The following ZNF521 variants were observed in gnomAD, a reference collection of about 807,000 sequenced individuals.
The protein encoded by ZNF521 is LYST-interacting protein 3.
Under a neutral mutation model 105.5 loss-of-function variants are expected in ZNF521, and 14 were observed. The observed-to-expected ratio is 0.13, with a 90% CI of 0.09 to 0.21. The LOEUF is 0.21. ZNF521 is among the 10% of genes least tolerant of loss of function. The probability of loss-of-function intolerance (pLI) is 1.00; values close to 1 mark genes in which losing one functional copy is unlikely to be tolerated. For synonymous variants in ZNF521, 635 were observed against 606.0 expected (o/e 1.05, Z -0.70); for missense variants, 1,233 against 1,629.7 (o/e 0.76, Z 4.19).
intron 5 of ZNF521, among the ~76,000 whole-genome samples, chr18:25,124,066 A>T (rs8087296): frequency 0.47 from 70,937 of 151,912 alleles, 16,867 homozygotes; most frequent in South Asian, 0.56. Context: ...AAGTGATGGA[A>T]CATTTATGGA....
intron 2 of ZNF521, among the ~76,000 whole-genome samples, chr18:25,338,270 T>TGTGTGTGTGTGA (rs1294403134): frequency 6.7e-6 from 1 of 150,200 alleles, no homozygotes; most frequent in Non-Finnish European, 1.5e-5. Flanking sequence ...TGTGTGTGTG[T>TGTGTGTGTGTGA]GTGTGTGTGT....
rs564157960 is a variant in ZNF521 at position 25,317,743 on chromosome 18, A to T, written c.220+4265T>A. ...TCTAGGAAAAATACACCTTAAATGA[A>T]GTCAATTAAATATATATGAGCTAGA... On this transcript the variant is annotated intron_variant, in intron 3 of 7. Coordinates refer to ENST00000361524, the MANE Select transcript of ZNF521 (RefSeq NM_015461.3). 2.0e-5 allele frequency among the ~76,000 whole-genome samples: 3 copies of T among 152,358 alleles called. No homozygotes were observed. In the East Asian group the frequency reaches 5.8e-4, roughly 29 times the overall value.
intron 4 of ZNF521, among the ~76,000 whole-genome samples, chr18:25,210,298 C>G (rs926915748): frequency 6.6e-6 from 1 of 152,138 alleles, no homozygotes; most frequent in Non-Finnish European, 1.5e-5. Flanking sequence ...ACATAGATGA[C>G]CCTGTCAACT....
At chr18:25,288,898 C>CT (rs1415384574) in intron 3 of ZNF521, among the ~76,000 whole-genome samples, 1 of 152,210 alleles carries the variant, frequency 6.6e-6, no homozygotes, top group Admixed American at 6.5e-5. Flanking sequence ...GCTCCAAACA[C>CT]TTTGGTCATG....
chr18:25,069,880 TTAA>T (rs1355028675), intron 7 of ZNF521, among the ~76,000 whole-genome samples: 3 of 152,220 alleles, frequency 2.0e-5, no homozygotes, highest in Non-Finnish European at 4.4e-5. Flanking sequence ...GCCCCTCTCT[TTAA>T]TGCCATGAAT....
intron 3 of ZNF521, among the ~76,000 whole-genome samples, chr18:25,235,601 T>G (rs899161637): frequency 1.3e-5 from 2 of 152,210 alleles, no homozygotes; most frequent in Admixed American, 6.5e-5. Flanking sequence ...TACTGACTAT[T>G]TTTCCAACAT....
At chr18:25,143,305 G>A (rs1023428621) in intron 5 of ZNF521, among the ~76,000 whole-genome samples, 1 of 150,764 alleles carries the variant, frequency 6.6e-6, no homozygotes, top group African/African-American at 2.5e-5. Context: ...TTATTATCAT[G>A]TCAAGCTGGT....
At chr18:25,195,127 T>C (rs1773121996) in intron 5 of ZNF521, 33 bp downstream of exon 5, 1 of 1,481,342 alleles carries the variant, frequency 6.8e-7, no homozygotes. Flanking sequence ...AGAAGAAACA[T>C]CTATCTGTAA....
intron 3 of ZNF521, among the ~76,000 whole-genome samples, chr18:25,247,696 AG>A (rs1201636926): frequency 6.6e-6 from 1 of 152,174 alleles, no homozygotes; most frequent in Non-Finnish European, 1.5e-5. Context: ...CAGGCAGCAG[AG>A]ACAGAGCTGT....
chr18:25,148,734 C>T lies in ZNF521; in HGVS notation c.3658+46426G>A, dbSNP rs190315022. Among the ~76,000 whole-genome samples, 10 of 151,180 alleles carry T rather than the reference C, an allele frequency of 6.6e-5. No individual in the cohort carries two copies. The East Asian group carries it at 9.7e-4, about 15-fold the overall frequency. ...GTGAAGGATTGGTTTTCAGAGCATT[C>T]GAATTAAAAAAAAAAGTCTTTTCAC... On this transcript the variant is annotated intron_variant, in intron 5 of 7. Coordinates refer to ENST00000361524, the MANE Select transcript of ZNF521 (RefSeq NM_015461.3).
chr18:25,325,060 T>G (rs1051676454), intron 2 of ZNF521, among the ~76,000 whole-genome samples: 2 of 152,228 alleles, frequency 1.3e-5, no homozygotes, highest in African/African-American at 4.8e-5. Context: ...AATTTGTTTT[T>G]AGGTCAACAC....
intron 7 of ZNF521, among the ~76,000 whole-genome samples, chr18:25,076,868 G>A (rs1477525043): frequency 6.6e-6 from 1 of 152,260 alleles, no homozygotes; most frequent in Non-Finnish European, 1.5e-5. Flanking sequence ...GGCCTGGGAT[G>A]GAAGGCTGGG....
chr18:25,113,848 TACTC>T (rs1001522406), intron 5 of ZNF521, among the ~76,000 whole-genome samples: 6 of 149,814 alleles, frequency 4.0e-5, no homozygotes, highest in African/African-American at 1.5e-4. Flanking sequence ...CAGGCTGACA[TACTC>T]ACTCTATCAC....
chr18:25,178,083 A>G (rs2035565278), intron 5 of ZNF521, among the ~76,000 whole-genome samples: 1 of 152,268 alleles, frequency 6.6e-6, no homozygotes, highest in Non-Finnish European at 1.5e-5. Flanking sequence ...CTCTGCTAAA[A>G]AAACTGTGAT....
chr18:25,167,086 T>G (rs377353539), intron 5 of ZNF521, among the ~76,000 whole-genome samples: 18 of 152,160 alleles, frequency 1.2e-4, no homozygotes, highest in African/African-American at 2.4e-4. Flanking sequence ...TTAATTGTTC[T>G]CTTCCTAGCA....
At chr18:25,319,859 C>T (rs114739024) in intron 3 of ZNF521, among the ~76,000 whole-genome samples, 1,616 of 152,242 alleles carry the variant, frequency 0.011, 27 homozygotes, top group African/African-American at 0.037. Flanking sequence ...ATTCAGGCTT[C>T]TTTGGAGCCT....
At chr18:25,150,237 G>A (rs1407201133) in intron 5 of ZNF521, among the ~76,000 whole-genome samples, 2 of 152,124 alleles carry the variant, frequency 1.3e-5, no homozygotes, top group South Asian at 2.1e-4. Context: ...CTATAAGGAT[G>A]CAAAGGCATA....
intron 7 of ZNF521, among the ~76,000 whole-genome samples, chr18:25,065,544 C>T (rs1170892966): frequency 6.6e-6 from 1 of 151,840 alleles, no homozygotes; most frequent in Non-Finnish European, 1.5e-5. Context: ...CACTTCTGGT[C>T]CCAAGCATTT....
At chr18:25,096,228 A>G (rs2033848647) in intron 5 of ZNF521, among the ~76,000 whole-genome samples, 1 of 152,206 alleles carries the variant, frequency 6.6e-6, no homozygotes, top group Admixed American at 6.5e-5. Context: ...GTCTGCATAC[A>G]TAATTGGACT....
Sources: gnomAD v4.1 joint callset for allele counts (sites outside exome capture counted in the v4.1 genomes callset) on GRCh38, gnomAD v4.1.1 for gene constraint, MANE v1.5 for transcripts, NCBI Gene and HGNC (gene_info 2026-07-23, HGNC 2026-07-21) for gene names.